The following STX8 variants were observed in gnomAD, a reference collection of about 807,000 sequenced individuals.
STX8 encodes syntaxin-8.
A neutral mutation model predicts 37.5 loss-of-function variants in STX8; 23 were observed. The observed-to-expected ratio is 0.61, with a 90% CI of 0.44 to 0.87. STX8 has a LOEUF of 0.87. Among genes scored for constraint, STX8 ranks in the 40% least tolerant of loss-of-function variants. The pLI is 0.00. For synonymous variants in STX8, 115 were observed against 99.1 expected, an observed-to-expected ratio of 1.16 and a Z score of -0.95; for missense variants, 313 against 284.7, an observed-to-expected ratio of 1.10 and a Z score of -0.71.
intron 6 of STX8, among the ~76,000 whole-genome samples, chr17:9,468,404 C>A (rs986934806): frequency 6.6e-6 from 1 of 152,116 alleles, no homozygotes; most frequent in African/African-American, 2.4e-5. Flanking sequence ...GCCACTGCAC[C>A]CAGCAATATA....
intron 6 of STX8, among the ~76,000 whole-genome samples, chr17:9,450,960 T>C (rs1281643908): frequency 1.3e-5 from 2 of 152,120 alleles, no homozygotes. Flanking sequence ...TTGCCAAGCA[T>C]GGACTGTGTT....
At position 9,378,584 on chromosome 17, in the gene STX8, A is replaced by C. The variant is rs569487703; in HGVS notation, c.611T>G (p.Val204Gly). 6.2e-7 allele frequency: 1 copy of C among 1,613,796 alleles called. No individual in the cohort carries two copies. Among genetic ancestry groups the C allele is most frequent in the South Asian group, 1.1e-5 (1 of 91,080 alleles). ...DEKLRNETRR[V>G]NMVDRKSASC... is the part of the protein sequence containing the mutation. ...GGCTGACTTTCTGTCCACCATGTTTACCCGCCTGGTTTCATTGCGAAGTTT... is the reference window on the plus strand; with the variant it reads ...GGCTGACTTTCTGTCCACCATGTTTCCCCGCCTGGTTTCATTGCGAAGTTT... The change falls in exon 7 of 8, where the codon GTA becomes GGA. Residue 204 changes from valine to glycine, a missense_variant. Val to Gly is a moderately radical substitution (Grantham distance 109). Transcript: ENST00000306357.
Position 9,393,444 on chromosome 17 carries a change from C to G in STX8, c.542-14791G>C, listed in dbSNP as rs561263180. 7.2e-5 allele frequency among the ~76,000 whole-genome samples: 11 copies of G among 152,328 alleles called. 1 individual carries two copies. In the South Asian group the frequency reaches 2.3e-3, roughly 32 times the overall value. ...AATGGTAAACATTTGGATAAATATT[C>G]TCCAGCTGACTTCTCTGTTTGGTGG... On this transcript the variant is annotated intron_variant, in intron 6 of 7. Coordinates refer to ENST00000306357, the MANE Select transcript of STX8 (RefSeq NM_004853.3).
At position 9,468,848 on chromosome 17, in the gene STX8, C is replaced by T. The variant is rs551722337; in HGVS notation, c.541+22981G>A. Among the ~76,000 whole-genome samples, 8 of 152,288 alleles carry T rather than the reference C, an allele frequency of 5.3e-5. No homozygotes were observed. In the East Asian group the frequency reaches 5.8e-4, roughly 11 times the overall value. ...GCACCCGGGCTTCCCAGGGGGCTGT[C>T]GTCAAAGCCAGCCGCTCCCTCTGCT... On this transcript the variant is annotated intron_variant, in intron 6 of 7. Coordinates refer to ENST00000306357, the MANE Select transcript of STX8 (RefSeq NM_004853.3).
chr17:9,519,666 C>T (rs546451634), intron 4 of STX8, among the ~76,000 whole-genome samples: 2 of 152,140 alleles, frequency 1.3e-5, no homozygotes, highest in Non-Finnish European at 2.9e-5. Flanking sequence ...AACATGGCTA[C>T]GATCTCTCTA....
chr17:9,505,302 G>T, intron 4 of STX8, 140 bp from the exon 5 acceptor site: 1 of 935,456 alleles, frequency 1.1e-6, no homozygotes, highest in Non-Finnish European at 1.5e-6. Context: ...ATTAGTTTAT[G>T]CCAGGAACTG....
chr17:9,523,296 A>G (rs1371759978), intron 4 of STX8, among the ~76,000 whole-genome samples: 1 of 136,510 alleles, frequency 7.3e-6, no homozygotes, highest in Non-Finnish European at 1.6e-5. Flanking sequence ...TGGGCAACAG[A>G]GCGAGACTCC....
At position 9,462,004 on chromosome 17, in the gene STX8, G is replaced by A. The variant is rs180744594; in HGVS notation, c.541+29825C>T. Among the ~76,000 whole-genome samples, 21 of 152,218 alleles carry A rather than the reference G, an allele frequency of 1.4e-4. No homozygotes were observed. In the East Asian group the frequency reaches 2.7e-3, roughly 20 times the overall value. On this transcript the variant is annotated intron_variant, in intron 6 of 7. Transcript: ENST00000306357. ...ATCTGACAGGAGGCGGAGCTCAGGCGGTAATGCAAGCAATGGGGAGGGGCT... is the reference window on the plus strand; with the variant it reads ...ATCTGACAGGAGGCGGAGCTCAGGCAGTAATGCAAGCAATGGGGAGGGGCT...
At chr17:9,396,168 G>A (rs983999739) in intron 6 of STX8, among the ~76,000 whole-genome samples, 9 of 152,118 alleles carry the variant, frequency 5.9e-5, no homozygotes, top group African/African-American at 2.2e-4. Flanking sequence ...AATGTGCTCA[G>A]CTCTGAATGA....
intron 6 of STX8, among the ~76,000 whole-genome samples, chr17:9,487,491 G>T (rs1906648896): frequency 6.6e-6 from 1 of 152,070 alleles, no homozygotes; most frequent in Non-Finnish European, 1.5e-5. Flanking sequence ...TCTTGGCAGG[G>T]ATATACTTTT....
At chr17:9,475,977 G>A (rs141263911) in intron 6 of STX8, among the ~76,000 whole-genome samples, 7,671 of 152,218 alleles carry the variant, frequency 0.05, 253 homozygotes, top group Middle Eastern at 0.088. Flanking sequence ...TCAGGAGTTC[G>A]AGACCAGCCT....
At chr17:9,382,529 C>T (rs1387470106) in intron 6 of STX8, among the ~76,000 whole-genome samples, 1 of 151,936 alleles carries the variant, frequency 6.6e-6, no homozygotes, top group Non-Finnish European at 1.5e-5. Context: ...TTTGCTGCAC[C>T]CATCAACTCG....
chr17:9,502,946 T>C (rs1904673956), intron 5 of STX8, among the ~76,000 whole-genome samples: 1 of 150,818 alleles, frequency 6.6e-6, no homozygotes, highest in African/African-American at 2.4e-5. Context: ...CTACTAAAAA[T>C]ACAAAAAAAA....
chr17:9,268,037 T>A (rs1435434090), intron 7 of STX8, among the ~76,000 whole-genome samples: 1 of 150,414 alleles, frequency 6.6e-6, no homozygotes, highest in African/African-American at 2.4e-5. Flanking sequence ...AGCATTTCAA[T>A]GAAAGGCCAT....
At chr17:9,367,138 T>C (rs1014890465) in intron 7 of STX8, among the ~76,000 whole-genome samples, 1 of 151,880 alleles carries the variant, frequency 6.6e-6, no homozygotes, top group African/African-American at 2.4e-5. Context: ...GGGAAACACA[T>C]CTGTAATGGA....
chr17:9,437,228 C>T (rs892952997), intron 6 of STX8, among the ~76,000 whole-genome samples: 1 of 152,204 alleles, frequency 6.6e-6, no homozygotes, highest in African/African-American at 2.4e-5. Context: ...TGTCTAAATG[C>T]GCTCTGGTCT....
At chr17:9,315,837 C>A (rs758257358) in intron 7 of STX8, among the ~76,000 whole-genome samples, 22 of 152,098 alleles carry the variant, frequency 1.4e-4, no homozygotes, top group Admixed American at 3.9e-4. Context: ...CATGGTGAAA[C>A]GCTGTCTCTA....
At chr17:9,341,022 T>C (rs1372185496) in intron 7 of STX8, among the ~76,000 whole-genome samples, 1 of 113,970 alleles carries the variant, frequency 8.8e-6, no homozygotes, top group Non-Finnish European at 2.0e-5. Flanking sequence ...ATATATATTA[T>C]ATATATAAAT....
chr17:9,480,889 T>C (rs1906307376), intron 6 of STX8, among the ~76,000 whole-genome samples: 1 of 151,622 alleles, frequency 6.6e-6, no homozygotes, highest in African/African-American at 2.4e-5. Flanking sequence ...TTTCTTTCTT[T>C]CTTTCTTTTT....
Sources: gnomAD v4.1 joint callset for allele counts (sites outside exome capture counted in the v4.1 genomes callset) on GRCh38, gnomAD v4.1.1 for gene constraint, MANE v1.5 for transcripts, NCBI Gene and HGNC (gene_info 2026-07-23, HGNC 2026-07-21) for gene names.